SPIN1: variants seen among roughly 807,000 people sequenced by gnomAD.
The protein encoded by SPIN1 is spindlin-1.
SPIN1 carries 3 observed loss-of-function variants against 26.0 expected under a neutral mutation model. That is an observed-to-expected ratio of 0.12 (90% CI 0.05 to 0.30). The LOEUF (loss-of-function observed/expected upper bound fraction) is 0.30. Among genes scored for constraint, SPIN1 ranks in the 10% least tolerant of loss-of-function variants. The pLI is 1.00. For synonymous variants in SPIN1, 101 were observed against 116.5 expected, an observed-to-expected ratio of 0.87 and a Z score of 0.86; for missense variants, 126 against 333.4, an observed-to-expected ratio of 0.38 and a Z score of 4.84.
At chr9:88,426,700 A>G (rs1186780728) in intron 2 of SPIN1, 109 bp downstream of exon 2, 1 of 919,772 alleles carries the variant, frequency 1.1e-6, no homozygotes, top group African/African-American at 1.7e-5. Flanking sequence ...AAACTTTGTC[A>G]TTTCTAGTAT....
chr9:88,471,023 A>G (rs542299541), intron 5 of SPIN1, among the ~76,000 whole-genome samples: 1 of 152,340 alleles, frequency 6.6e-6, no homozygotes, highest in East Asian at 1.9e-4. Flanking sequence ...TATCAGATAT[A>G]TGTTGCAAAT....
intron 4 of SPIN1, 31 bp downstream of exon 4, chr9:88,462,780 T>C (rs762172138): frequency 6.4e-7 from 1 of 1,560,686 alleles, no homozygotes; most frequent in Non-Finnish European, 8.6e-7. Flanking sequence ...GTGCATTATA[T>C]ACTTTAAAAA....
intron 5 of SPIN1, among the ~76,000 whole-genome samples, chr9:88,474,313 G>T (rs4877446): frequency 6.6e-6 from 1 of 151,828 alleles, no homozygotes; most frequent in African/African-American, 2.4e-5. Context: ...TTGTTTTTTT[G>T]TTGTTGGTGG....
chr9:88,435,700 AC>A (rs1463471988), intron 2 of SPIN1, among the ~76,000 whole-genome samples: 3 of 152,004 alleles, frequency 2.0e-5, no homozygotes, highest in Non-Finnish European at 4.4e-5. Context: ...AGAGTTATTA[AC>A]CTTTAATCTG....
chr9:88,474,939 G>A (rs867211575), intron 5 of SPIN1, 139 bp from the exon 6 acceptor site: 1 of 811,786 alleles, frequency 1.2e-6, no homozygotes, highest in Non-Finnish European at 1.8e-6. Context: ...CTGACTCCTG[G>A]TCTAGATAAT....
chr9:88,397,684 C>T (rs371734349), intron 1 of SPIN1, among the ~76,000 whole-genome samples: 3 of 151,486 alleles, frequency 2.0e-5, no homozygotes, highest in Admixed American at 6.6e-5. Context: ...TGCAGTGGTG[C>T]GGTCTCAGCT....
At chr9:88,409,591 T>G (rs1376612916) in intron 1 of SPIN1, among the ~76,000 whole-genome samples, 3 of 151,648 alleles carry the variant, frequency 2.0e-5, no homozygotes, top group Non-Finnish European at 4.4e-5. Flanking sequence ...ATCCCAGCAC[T>G]TTGGGAGGCC....
intron 1 of SPIN1, among the ~76,000 whole-genome samples, chr9:88,397,629 GT>G (rs797005965): frequency 0.072 from 10,404 of 144,966 alleles, 1,109 homozygotes; most frequent in African/African-American, 0.23. Flanking sequence ...TGTCTGAAGT[GT>G]TTTTTTTTTT....
At chr9:88,442,003 G>A (rs1828143948) in intron 2 of SPIN1, among the ~76,000 whole-genome samples, 1 of 142,136 alleles carries the variant, frequency 7.0e-6, no homozygotes, top group African/African-American at 2.7e-5. Flanking sequence ...CCAGCCTGGA[G>A]TGCAGTGATG....
At chr9:88,406,033 GTGTGTGTGTA>G in intron 1 of SPIN1, among the ~76,000 whole-genome samples, 1 of 147,256 alleles carries the variant, frequency 6.8e-6, no homozygotes. Context: ...GTGTGTGTGT[GTGTGTGTGTA>G]CGTGTACGTG....
At chr9:88,407,796 T>C (rs1827342239) in intron 1 of SPIN1, among the ~76,000 whole-genome samples, 1 of 150,862 alleles carries the variant, frequency 6.6e-6, no homozygotes. Flanking sequence ...AGTCTTGCTC[T>C]GTCACCCAGG....
intron 1 of SPIN1, among the ~76,000 whole-genome samples, chr9:88,392,007 T>TA (rs1219121710): frequency 6.6e-6 from 1 of 152,178 alleles, no homozygotes; most frequent in East Asian, 1.9e-4. Flanking sequence ...CAAAGCCTTT[T>TA]AAAACCTTGA....
At chr9:88,401,594 ATACTG>A (rs1827187546) in intron 1 of SPIN1, among the ~76,000 whole-genome samples, 1 of 152,220 alleles carries the variant, frequency 6.6e-6, no homozygotes, top group Non-Finnish European at 1.5e-5. Context: ...ACAAATAGTT[ATACTG>A]TATTGTTGAG....
At chr9:88,388,835 C>T (rs1194037488) in intron 1 of SPIN1, among the ~76,000 whole-genome samples, 2 of 150,766 alleles carry the variant, frequency 1.3e-5, no homozygotes, top group African/African-American at 2.4e-5. Flanking sequence ...CTCTCGTCCC[C>T]AGTTCCCCGG....
chr9:88,439,732 C>A (rs1233317779), intron 2 of SPIN1, among the ~76,000 whole-genome samples: 1 of 152,086 alleles, frequency 6.6e-6, no homozygotes, highest in African/African-American at 2.4e-5. Flanking sequence ...TTATGTAATG[C>A]CCCCCTTTAT....
chr9:88,404,526 GATGTATAGAAAT>G (rs1827254469), intron 1 of SPIN1, among the ~76,000 whole-genome samples: 1 of 152,110 alleles, frequency 6.6e-6, no homozygotes, highest in African/African-American at 2.4e-5. Context: ...ACATTGTACA[GATGTATAGAAAT>G]ACTTTCTTCC....
At chr9:88,441,953 C>T (rs1828141868) in intron 2 of SPIN1, among the ~76,000 whole-genome samples, 1 of 94,380 alleles carries the variant, frequency 1.1e-5, no homozygotes, top group African/African-American at 4.1e-5. Context: ...CTATATTTTC[C>T]TTTTTTTTTT....
intron 3 of SPIN1, among the ~76,000 whole-genome samples, chr9:88,458,206 A>T (rs530612656): frequency 6.6e-6 from 1 of 152,346 alleles, no homozygotes; most frequent in African/African-American, 2.4e-5. Flanking sequence ...GGCACAGATG[A>T]AGGAAGAGAG....
rs1828895024 is a variant in SPIN1, at chr9:88,476,720, A to G, written c.*1443A>G. The G allele has an allele frequency of 6.6e-6, 1 of 152,208 alleles. No individual in the cohort carries two copies. Among genetic ancestry groups the G allele is most frequent in the Admixed American group, 6.5e-5 (1 of 15,278 alleles). The allele number at this position is 152,208 out of a possible 1,614,324, so 9.4% of individuals were successfully genotyped here. ...GCTAGTGTGATTGGTTGATCAGCAA[A>G]ACAGCTGCTCTCATTTTGTTTTGGA... On this transcript the variant is annotated 3_prime_UTR_variant, in exon 6 of 6. Coordinates refer to ENST00000375859, the MANE Select transcript of SPIN1 (RefSeq NM_006717.3).
Sources: allele counts gnomAD v4.1 joint callset (sites outside exome capture counted in the v4.1 genomes callset), GRCh38; gene constraint gnomAD v4.1.1; transcripts MANE v1.5; gene names NCBI Gene and HGNC (gene_info 2026-07-23, HGNC 2026-07-21).